CDH15: variants seen among roughly 807,000 people sequenced by gnomAD.
The protein encoded by CDH15 is cadherin-15.
A neutral mutation model predicts 69.4 loss-of-function variants in CDH15; 73 were observed. The observed-to-expected ratio is 1.05, with a 90% CI of 0.87 to 1.28. The LOEUF is 1.28. CDH15 is among the 50% of genes most tolerant of loss of function. The pLI, the probability that CDH15 is intolerant of heterozygous loss-of-function variation, is 0.00. For synonymous variants in CDH15, 624 were observed against 507.7 expected, an observed-to-expected ratio of 1.23 and a Z score of -3.08; for missense variants, 1,343 against 1,133.6, an observed-to-expected ratio of 1.18 and a Z score of -2.65.
In CDH15 at chr16:89,183,467, G is replaced by T. The variant is rs562173702; in HGVS notation, c.358-81G>T. The T allele has an allele frequency of 6.0e-6, 9 of 1,507,838 alleles. No homozygotes were observed. The East Asian group carries it at 1.8e-4, about 30-fold the overall frequency. 93.4% of individuals were successfully genotyped at this position (1,507,838 alleles called of 1,614,324 possible). A position where few individuals can be genotyped will look rare whatever the true frequency, so the allele number is the denominator to read the frequency against. On this transcript the variant is annotated intron_variant, in intron 3 of 13. Transcript: ENST00000289746. ...CCAGCTGGAGACAAAGTCTGAACGT[G>T]CTGTCTCTTTCGCATGGCCCTAACG...
chr16:89,195,032 C>T lies in CDH15; in HGVS notation c.2322C>T (p.Ala774=), dbSNP rs1176435496. The T allele has an allele frequency of 1.2e-6, 2 of 1,612,354 alleles. No individual in the cohort carries two copies. Among genetic ancestry groups the T allele is most frequent in the Non-Finnish European group, 1.7e-6 (2 of 1,179,850 alleles). Reference sequence around the variant, plus strand: ...TCAGAGACTGGGGGCCCCGCTTCGCCCGGCTGGCAGACATGTATGGGCACC... The same window carrying T: ...TCAGAGACTGGGGGCCCCGCTTCGCTCGGCTGGCAGACATGTATGGGCACC... ...DYLRDWGPRF[A]RLADMYGHPC... Residue 774 remains alanine, a synonymous_variant, in exon 14 of 14, where the codon GCC becomes GCT. Transcript: ENST00000289746.
At position 89,180,270 on chromosome 16, in the gene CDH15, C is replaced by A; in HGVS notation, c.272C>A (p.Pro91His). The A allele has an allele frequency of 6.2e-7, 1 of 1,610,112 alleles. No individual in the cohort carries two copies. Among genetic ancestry groups the A allele is most frequent in the Admixed American group, 1.7e-5 (1 of 59,606 alleles). ...CAGGGACCCGGCGTGGATGAGGAGC[C>A]CCGGGGCGTCTTCTCTATCGACAAG... ...SIQGPGVDEE[P>H]RGVFSIDKFT... The change falls in exon 3 of 14, where the codon CCC becomes CAC. Residue 91 changes from proline to histidine, a missense_variant. Coordinates refer to ENST00000289746, the MANE Select transcript of CDH15 (RefSeq NM_004933.3).
chr16:89,191,743 G>C lies in CDH15; in HGVS notation c.1464G>C (p.Pro488=). ...CACCTGTGCTGGCCCCGCCGCCGCC[G>C]GGCAGCCTGTGCAGCGAGCCACACC... ...DHAPVLAPPP[P]GSLCSEPHQG... The change falls in exon 10 of 14, where the codon CCG becomes CCC. Residue 488 remains proline (P), a synonymous_variant. Coordinates refer to ENST00000289746, the MANE Select transcript of CDH15 (RefSeq NM_004933.3). 6 of 1,604,680 alleles carry C rather than the reference G, an allele frequency of 3.7e-6. No homozygotes were observed. Among genetic ancestry groups the C allele is most frequent in the Non-Finnish European group, 5.1e-6 (6 of 1,179,240 alleles).
chr16:89,174,928 G>A (rs372648260), intron 1 of CDH15, among the ~76,000 whole-genome samples: 7 of 152,334 alleles, frequency 4.6e-5, no homozygotes, highest in African/African-American at 1.7e-4. Flanking sequence ...TCCCCAGGAC[G>A]GCTCCCAGGC....
At position 89,195,344 on chromosome 16, in the gene CDH15, G is replaced by A. The variant is rs185128581; in HGVS notation, c.*189G>A. ...GGCCAGGAAGAGGCCCCTTCCTGCC[G>A]GGGTGGGAAGAGTTTCTCTCCATCG... On this transcript the variant is annotated 3_prime_UTR_variant, in exon 14 of 14. Coordinates refer to ENST00000289746, the MANE Select transcript of CDH15 (RefSeq NM_004933.3). 58 of 617,514 alleles carry A rather than the reference G, an allele frequency of 9.4e-5. No individual in the cohort carries two copies. The Middle Eastern group carries it at 1.3e-3, about 14-fold the overall frequency. The allele number at this position is 617,514 out of a possible 1,614,324, so 38.3% of individuals were successfully genotyped here.
chr16:89,183,389 C>G (rs1915417668), intron 3 of CDH15, 159 bp from the exon 4 acceptor site: 1 of 792,590 alleles, frequency 1.3e-6, no homozygotes, highest in African/African-American at 1.7e-5. Flanking sequence ...TCCTCAGTCA[C>G]TGTGACAGAT....
Position 89,195,421 on chromosome 16 carries a change from C to G in CDH15, c.*266C>G, listed in dbSNP as rs1290557425. The G allele has an allele frequency of 7.7e-6, 4 of 517,332 alleles. No individual in the cohort carries two copies. The highest frequency in any genetic ancestry group is 1.4e-5 in the Non-Finnish European group (4 of 291,354). 32.0% of individuals were successfully genotyped at this position (517,332 alleles called of 1,614,324 possible). On this transcript the variant is annotated 3_prime_UTR_variant, in exon 14 of 14. Transcript: ENST00000289746. Reference sequence around the variant, plus strand: ...CCACCTTTGCCTCCTACCAGTGAACCTCATCTTTGTATGAAAGACAGCAAC... The same window carrying G: ...CCACCTTTGCCTCCTACCAGTGAACGTCATCTTTGTATGAAAGACAGCAAC...
rs781182063 is a variant in CDH15, at chr16:89,195,158, C to G, written c.*3C>G. On this transcript the variant is annotated 3_prime_UTR_variant, in exon 14 of 14. Transcript: ENST00000289746. ...GACACAGAGGCCGGACAGCCTGACCCTGGGGCGCAACTGGACATGCCACTC... is the reference window on the plus strand; with the variant it reads ...GACACAGAGGCCGGACAGCCTGACCGTGGGGCGCAACTGGACATGCCACTC... 1 of 1,579,310 alleles carries G rather than the reference C, an allele frequency of 6.3e-7. No homozygotes were observed. The highest frequency in any genetic ancestry group is 1.7e-5 in the Admixed American group (1 of 58,846).
chr16:89,189,456 C>T (rs555308389), intron 7 of CDH15, among the ~76,000 whole-genome samples: 20 of 152,382 alleles, frequency 1.3e-4, no homozygotes, highest in African/African-American at 4.3e-4. Context: ...AGGTTCACAT[C>T]CTCTGACCAG....
Position 89,193,843 on chromosome 16 carries a change from G to C in CDH15, c.2081G>C (p.Gly694Ala), listed in dbSNP as rs1915717866. The change falls in exon 13 of 14, where the codon GGC (glycine) becomes GCC (alanine). Residue 694 changes from glycine (G) to alanine (A), a missense_variant. Physicochemically the swap from Gly to Ala is moderately conservative, Grantham distance 60. Transcript: ENST00000289746. The stretch of plus-strand genomic sequence containing the variant: ...CCACTTCGCAGAGATGCCCCGCAGG[G>C]CCGCCTGCACCCCCAGCCACCCCGA... ...PPPLRRDAPQ[G>A]RLHPQPPRVL... 6.2e-7 allele frequency: 1 copy of C among 1,610,364 alleles called. No individual in the cohort carries two copies. The highest frequency in any genetic ancestry group is 1.1e-5 in the South Asian group (1 of 91,002).
Position 89,195,222 on chromosome 16 carries a change from C to T in CDH15, c.*67C>T. 2 of 1,455,870 alleles carry T rather than the reference C, an allele frequency of 1.4e-6. No individual in the cohort carries two copies. The highest frequency in any genetic ancestry group is 2.5e-4 in the Middle Eastern group (1 of 3,940). The allele number at this position is 1,455,870 out of a possible 1,614,324, so 90.2% of individuals were successfully genotyped here. On this transcript the variant is annotated 3_prime_UTR_variant, in exon 14 of 14. Transcript: ENST00000289746. The stretch of plus-strand genomic sequence containing the variant: ...CAGTGATGGCCCCTGCAGAGGCAGC[C>T]TGAGGTCACCGGGCCCGACCCCCCT...
At chr16:89,183,805 T>TAA (rs1467074442) in intron 4 of CDH15, 113 bp downstream of exon 4, 1 of 1,132,784 alleles carries the variant, frequency 8.8e-7, no homozygotes, top group East Asian at 2.6e-5. Flanking sequence ...TAAAAATAAG[T>TAA]AAACAAGTCT....
At chr16:89,193,659 G>T in intron 12 of CDH15, 53 bp downstream of exon 12, 1 of 1,567,106 alleles carries the variant, frequency 6.4e-7, no homozygotes, top group South Asian at 1.2e-5. Context: ...CAGGTCGCGG[G>T]CCTTCTTACA....
chr16:89,180,421 TC>T, intron 3 of CDH15, 66 bp downstream of exon 3: 2 of 1,542,366 alleles, frequency 1.3e-6, no homozygotes, highest in Non-Finnish European at 8.8e-7. Flanking sequence ...GTGCCCCTCC[TC>T]CCCACCAGGC....
intron 1 of CDH15, among the ~76,000 whole-genome samples, chr16:89,173,729 G>C (rs1915203367): frequency 6.6e-6 from 1 of 152,224 alleles, no homozygotes; most frequent in African/African-American, 2.4e-5. Context: ...CCTTCTACAA[G>C]TGAGGGGTTG....
At chr16:89,194,667 C>T (rs942464034) in intron 13 of CDH15, among the ~76,000 whole-genome samples, 195 bp from the exon 14 acceptor site, 3 of 152,252 alleles carry the variant, frequency 2.0e-5, no homozygotes, top group East Asian at 1.9e-4. Flanking sequence ...GGGGGTAGTC[C>T]GTGGCACCCT....
Position 89,185,217 on chromosome 16 carries a change from G to C in CDH15, c.547G>C (p.Glu183Gln). Residue 183 changes from glutamate to glutamine, a missense_variant, in exon 5 of 14, where the codon GAG (glutamate) becomes CAG (glutamine). Physicochemically the swap from Glu to Gln is conservative, Grantham distance 29. Coordinates refer to ENST00000289746, the MANE Select transcript of CDH15 (RefSeq NM_004933.3). Reference sequence around the variant, plus strand: ...AGAGGCCACAGATGCCGACGACCCCGAGACGGACAACGCAGCGCTGCGGTT... The same window carrying C: ...AGAGGCCACAGATGCCGACGACCCCCAGACGGACAACGCAGCGCTGCGGTT... ...RAEATDADDP[E>Q]TDNAALRFSI... The C allele has an allele frequency of 6.2e-7, 1 of 1,605,808 alleles. No individual in the cohort carries two copies. Among genetic ancestry groups the C allele is most frequent in the Non-Finnish European group, 8.5e-7 (1 of 1,176,736 alleles).
At chr16:89,174,803 G>A (rs1441690667) in intron 1 of CDH15, among the ~76,000 whole-genome samples, 1 of 152,146 alleles carries the variant, frequency 6.6e-6, no homozygotes, top group African/African-American at 2.4e-5. Context: ...AGAGAGGAGT[G>A]GACGAGTGTC....
intron 4 of CDH15, 38 bp downstream of exon 4, chr16:89,183,730 CA>C (rs1241160855): frequency 1.3e-6 from 2 of 1,558,226 alleles, no homozygotes; most frequent in East Asian, 2.4e-5. Context: ...GGAGGGGCTG[CA>C]AGGAAGGGCT....
Sources: gnomAD v4.1 joint callset for allele counts (sites outside exome capture counted in the v4.1 genomes callset) on GRCh38, gnomAD v4.1.1 for gene constraint, MANE v1.5 for transcripts, NCBI Gene and HGNC (gene_info 2026-07-23, HGNC 2026-07-21) for gene names.